Variants in DNAH2 observed in about 807,000 individuals in gnomAD.
DNAH2 encodes axonemal beta dynein heavy chain 2.
A neutral mutation model predicts 523.5 loss-of-function variants in DNAH2; 323 were observed. That is an observed-to-expected ratio of 0.62 (90% CI 0.56 to 0.68). The LOEUF (loss-of-function observed/expected upper bound fraction) is 0.68. Among genes scored for constraint, DNAH2 ranks in the 30% least tolerant of loss-of-function variants. The pLI, the probability that DNAH2 is intolerant of heterozygous loss-of-function variation, is 0.00. For synonymous variants in DNAH2, 2,093 were observed against 2,177.4 expected (o/e 0.96, Z 1.08); for missense variants, 4,907 against 5,701.5 (o/e 0.86, Z 4.49).
intron 12 of DNAH2, among the ~76,000 whole-genome samples, chr17:7,751,146 T>C (rs1302030287): frequency 1.3e-5 from 2 of 149,354 alleles, no homozygotes; most frequent in Non-Finnish European, 3.0e-5. Context: ...TTTATTTATT[T>C]ATTCATTTTT....
At chr17:7,743,943 T>C (rs1012703232) in intron 12 of DNAH2, 1 of 152,372 alleles carries the variant, frequency 6.6e-6, no homozygotes, top group Non-Finnish European at 1.5e-5. Flanking sequence ...AGGCAGGGAA[T>C]GTACACAACG....
In DNAH2 at chr17:7,818,719, T is replaced by C. The variant is rs1187672982; in HGVS notation, c.10613T>C (p.Val3538Ala). 6.2e-7 allele frequency: 1 copy of C among 1,613,994 alleles called. No homozygotes were observed. Among genetic ancestry groups the C allele is most frequent in the African/African-American group, 1.3e-5 (1 of 74,970 alleles). Residue 3538 changes from valine to alanine, a missense_variant, in exon 70 of 86, where the codon GTC (valine) becomes GCC (alanine). Transcript: ENST00000572933. ...CTGGAGGAGCAGAAGGACTCACTGG[T>C]CATCAACATCGCGGCTGGTAAAAGG... ...PELEEQKDSL[V>A]INIAAGKRKL... is the part of the protein sequence containing the mutation.
In DNAH2 at chr17:7,801,683, A is replaced by G; in HGVS notation, c.8805A>G (p.Ile2935Met). 1 of 1,614,148 alleles carries G rather than the reference A, an allele frequency of 6.2e-7. No individual in the cohort carries two copies. The highest frequency in any genetic ancestry group is 8.5e-7 in the Non-Finnish European group (1 of 1,180,042). ...ALLEVAEKCL[I>M]GVDLGTQENI... Reference sequence around the variant, plus strand: ...TCGAGGTGGCTGAGAAGTGCCTCATAGGAGTAGACCTGGGAACTCAGGAGA... The same window carrying G: ...TCGAGGTGGCTGAGAAGTGCCTCATGGGAGTAGACCTGGGAACTCAGGAGA... Residue 2935 changes from isoleucine to methionine, a missense_variant, in exon 57 of 86, where the codon ATA becomes ATG. By Grantham distance (10) the Ile-to-Met change is conservative. Transcript: ENST00000572933.
At position 7,807,705 on chromosome 17, in the gene DNAH2, C is replaced by G. The variant is rs2077405447; in HGVS notation, c.9729+119C>G. 5 of 861,582 alleles carry G rather than the reference C, an allele frequency of 5.8e-6. No individual in the cohort carries two copies. The South Asian group carries it at 8.0e-5, about 14-fold the overall frequency. 53.4% of individuals were successfully genotyped at this position (861,582 alleles called of 1,614,324 possible). ...CCCCTTCCCCATGTCCTGTGCCATTCCAGTCCTGTCTCCTTCCCACTCTGT... is the reference window on the plus strand; with the variant it reads ...CCCCTTCCCCATGTCCTGTGCCATTGCAGTCCTGTCTCCTTCCCACTCTGT... On this transcript the variant is annotated intron_variant, in intron 63 of 85. Coordinates refer to ENST00000572933, the MANE Select transcript of DNAH2 (RefSeq NM_020877.5). The surrounding 1 kb of genome is among the most constrained non-coding windows in gnomAD (Gnocchi z 5.6).
Position 7,786,036 on chromosome 17 carries a change from G to A in DNAH2, c.6130-88G>A, listed in dbSNP as rs573737290. On this transcript the variant is annotated intron_variant, in intron 39 of 85. Transcript: ENST00000572933. The surrounding 1 kb of genome is among the most constrained non-coding windows in gnomAD (Gnocchi z 7.5). ...TGGTGCCATTTTTAACAGTTTGAAC[G>A]TATTCTCTCTGGCACCGGGGAGATT... The A allele has an allele frequency of 5.6e-5, 78 of 1,385,272 alleles. 1 individual carries two copies. Among genetic ancestry groups the A allele is most frequent in the East Asian group, 5.1e-4 (22 of 43,486 alleles). The allele number at this position is 1,385,272 out of a possible 1,614,324, so 85.8% of individuals were successfully genotyped here.
chr17:7,723,176 T>G (rs993178440), intron 2 of DNAH2, among the ~76,000 whole-genome samples: 1 of 151,202 alleles, frequency 6.6e-6, no homozygotes, highest in South Asian at 2.1e-4. Context: ...TTCACCGTAT[T>G]AGTCAGGATG....
chr17:7,740,644 C>T (rs1168253051), intron 10 of DNAH2, 95 bp downstream of exon 10: 11 of 1,561,796 alleles, frequency 7.0e-6, no homozygotes, highest in Non-Finnish European at 8.6e-6. Context: ...GTGTGCCCTT[C>T]TCCATGTCCA....
Position 7,733,125 on chromosome 17 carries a change from A to T in DNAH2, c.438A>T (p.Pro146=). Residue 146 remains proline, a synonymous_variant, in exon 5 of 86, where the codon CCA becomes CCT. Transcript: ENST00000572933. ...NQLVYFIRQA[P]VPITWENFEA... is the part of the protein sequence containing the mutation. ...TTGTCTACTTCATTCGCCAAGCACC[A>T]GTTCCCATCACCTGGGAGAACTTCG... 1 of 1,614,208 alleles carries T rather than the reference A, an allele frequency of 6.2e-7. No homozygotes were observed. The highest frequency in any genetic ancestry group is 1.1e-5 in the South Asian group (1 of 91,082).
intron 39 of DNAH2, among the ~76,000 whole-genome samples, chr17:7,783,666 C>T (rs1223727040): frequency 1.3e-5 from 2 of 151,784 alleles, no homozygotes; most frequent in Non-Finnish European, 2.9e-5. Context: ...GGTGTAATGG[C>T]TCATGCTTGT....
rs767807568 is a variant in DNAH2, at chr17:7,734,558, G to A, written c.828G>A (p.Glu276=). 3.7e-6 allele frequency: 6 copies of A among 1,613,870 alleles called. No individual in the cohort carries two copies. Among genetic ancestry groups the A allele is most frequent in the South Asian group, 1.1e-5 (1 of 91,034 alleles). ...CAGGAGAAAATTTAGGTCCTCTGGA[G>A]GAGATTGAGTTCTGGCGCAACCGAT... ...VETGENLGPL[E]EIEFWRNRCM... is the part of the protein sequence containing the mutation. Residue 276 remains glutamate (E), a synonymous_variant, in exon 7 of 86, where the codon GAG becomes GAA. Transcript: ENST00000572933.
chr17:7,754,607 C>A lies in DNAH2; in HGVS notation c.1905-2484C>A. ...GTCCACGTGCCGAGGCTCTCAAGGCCCTCGTAAAGCCCAAGGAGGTTAAGC... is the reference window on the plus strand; with the variant it reads ...GTCCACGTGCCGAGGCTCTCAAGGCACTCGTAAAGCCCAAGGAGGTTAAGC... On this transcript the variant is annotated intron_variant, in intron 12 of 85. Coordinates refer to ENST00000572933, the MANE Select transcript of DNAH2 (RefSeq NM_020877.5). This position sits in a 1 kb window ranked among gnomAD's most constrained non-coding sequence, Gnocchi z 4.6. The A allele has an allele frequency of 6.6e-7, 1 of 1,506,754 alleles. No homozygotes were observed. Among genetic ancestry groups the A allele is most frequent in the Non-Finnish European group, 9.1e-7 (1 of 1,098,646 alleles). 93.3% of individuals were successfully genotyped at this position (1,506,754 alleles called of 1,614,324 possible).
At chr17:7,744,241 C>A (rs1165077984) in intron 12 of DNAH2, among the ~76,000 whole-genome samples, 3 of 149,180 alleles carry the variant, frequency 2.0e-5, no homozygotes, top group Non-Finnish European at 4.4e-5. Flanking sequence ...TTGCAGTGAG[C>A]CGAGATCACG....
rs533751437 is a variant in DNAH2 at position 7,734,211 on chromosome 17, G to C, written c.657G>C (p.Thr219=). ...TDTRYKLEGH[T]VLYIPAEAMN... is the part of the protein sequence containing the mutation. ...CTCGGTACAAACTGGAGGGGCACACGGTCCTCTACATCCCTGCAGAGGCCA... is the reference window on the plus strand; with the variant it reads ...CTCGGTACAAACTGGAGGGGCACACCGTCCTCTACATCCCTGCAGAGGCCA... Residue 219 remains threonine (T), a synonymous_variant, in exon 6 of 86, where the codon ACG becomes ACC. Transcript: ENST00000572933. 5.0e-6 allele frequency: 8 copies of C among 1,602,712 alleles called. No homozygotes were observed. The highest frequency in any genetic ancestry group is 6.0e-6 in the Non-Finnish European group (7 of 1,174,332).
intron 22 of DNAH2, 92 bp from the exon 23 acceptor site, chr17:7,767,808 T>G (rs982430289): frequency 1.3e-6 from 2 of 1,549,472 alleles, no homozygotes; most frequent in African/African-American, 2.7e-5. Context: ...GAGGGGAAGC[T>G]TCACAGAGCG....
At chr17:7,748,470 T>A (rs307620) in intron 12 of DNAH2, among the ~76,000 whole-genome samples, 114,183 of 152,152 alleles carry the variant, frequency 0.75, 43,718 homozygotes, top group East Asian at 1. Context: ...GAAGTATTTT[T>A]AAAAAGTCAT....
Position 7,793,126 on chromosome 17 carries a change from C to A in DNAH2, c.7490C>A (p.Pro2497Gln). 1 of 1,614,220 alleles carries A rather than the reference C, an allele frequency of 6.2e-7. No homozygotes were observed. The highest frequency in any genetic ancestry group is 8.5e-7 in the Non-Finnish European group (1 of 1,180,044). ...GCTAAGGACATGTTTGGGTCCCAGC[C>A]ACCCCTGGAGCTGATCCGCCTCTGG... ...MPAKDMFGSQPPLELIRLWID... is the reference protein window; with the variant it reads ...MPAKDMFGSQQPLELIRLWID... The change falls in exon 48 of 86, where the codon CCA becomes CAA. Residue 2497 changes from proline (P) to glutamine (Q), a missense_variant. Pro to Gln is a moderately conservative substitution (Grantham distance 76). This residue lies in a region of DNAH2 where 250 missense variants were observed against 371.3 expected (regional missense o/e 0.67). Coordinates refer to ENST00000572933, the MANE Select transcript of DNAH2 (RefSeq NM_020877.5).
intron 39 of DNAH2, among the ~76,000 whole-genome samples, chr17:7,783,755 A>C (rs2076664175): frequency 6.6e-6 from 1 of 151,192 alleles, no homozygotes; most frequent in Non-Finnish European, 1.5e-5. Context: ...TGAGATTGTG[A>C]GATTGTGCCA....
chr17:7,724,120 C>A (rs2074718108), intron 3 of DNAH2, among the ~76,000 whole-genome samples: 2 of 152,132 alleles, frequency 1.3e-5, no homozygotes, highest in Admixed American at 6.6e-5. Flanking sequence ...CACTAAATGA[C>A]CTCTGCTTCT....
At chr17:7,779,997 G>C (rs1290409921) in intron 36 of DNAH2, among the ~76,000 whole-genome samples, 160 bp from the exon 37 acceptor site, 3 of 152,196 alleles carry the variant, frequency 2.0e-5, no homozygotes, top group Non-Finnish European at 4.4e-5. Flanking sequence ...GACTGGGAAG[G>C]GCTGGGGCTG....
Sources: allele counts gnomAD v4.1 joint callset (sites outside exome capture counted in the v4.1 genomes callset), GRCh38; gene constraint gnomAD v4.1.1; regional missense constraint gnomAD v4.1.1; non-coding constraint Gnocchi (gnomAD v3.1); transcripts MANE v1.5; gene names NCBI Gene and HGNC (gene_info 2026-07-23, HGNC 2026-07-21).